The following LUZP2 variants were observed in gnomAD, a reference collection of about 807,000 sequenced individuals.
LUZP2 encodes leucine zipper protein 2.
In LUZP2, 52 loss-of-function variants were observed where a neutral mutation model predicts 51.6. That is an observed-to-expected ratio of 1.01 (90% CI 0.81 to 1.27). The LOEUF (loss-of-function observed/expected upper bound fraction) is 1.27. Ranked by LOEUF, LUZP2 falls within the 50% of genes most tolerant of loss-of-function variation. The pLI, the probability that LUZP2 is intolerant of heterozygous loss-of-function variation, is 0.00. For synonymous variants in LUZP2, 154 were observed against 137.3 expected, an observed-to-expected ratio of 1.12 and a Z score of -0.85; for missense variants, 436 against 395.4, an observed-to-expected ratio of 1.10 and a Z score of -0.87.
intron 1 of LUZP2, among the ~76,000 whole-genome samples, chr11:24,542,899 C>G (rs1414140342): frequency 7.9e-6 from 1 of 126,474 alleles, no homozygotes; most frequent in African/African-American, 3.0e-5. Flanking sequence ...AAATAATGAA[C>G]AAAAAGAACA....
chr11:24,894,802 T>C (rs1442575694), intron 5 of LUZP2, among the ~76,000 whole-genome samples: 1 of 152,224 alleles, frequency 6.6e-6, no homozygotes, highest in African/African-American at 2.4e-5. Context: ...CTAGACTTTA[T>C]GTATGATAGG....
intron 1 of LUZP2, among the ~76,000 whole-genome samples, chr11:24,586,108 C>G (rs748338214): frequency 2.0e-5 from 3 of 151,950 alleles, no homozygotes; most frequent in African/African-American, 4.8e-5. Flanking sequence ...GAGGCCAAAC[C>G]ACAGAGAATT....
chr11:24,659,077 A>T (rs1373176470), intron 1 of LUZP2, among the ~76,000 whole-genome samples: 3 of 152,228 alleles, frequency 2.0e-5, no homozygotes, highest in Non-Finnish European at 4.4e-5. Flanking sequence ...CTGGGTGTAT[A>T]CCCAAAGGAT....
intron 10 of LUZP2, among the ~76,000 whole-genome samples, chr11:25,053,934 T>A (rs1288365734): frequency 1.3e-5 from 2 of 152,168 alleles, no homozygotes; most frequent in African/African-American, 4.8e-5. Flanking sequence ...CATTAAAACC[T>A]CATGGTTCTC....
chr11:24,986,775 T>G (rs1014599118), intron 9 of LUZP2, among the ~76,000 whole-genome samples: 59 of 151,820 alleles, frequency 3.9e-4, no homozygotes, highest in African/African-American at 1.4e-3. Flanking sequence ...TCATTTTTTA[T>G]AAAATATATG....
At chr11:24,639,803 C>G (rs1242958499) in intron 1 of LUZP2, among the ~76,000 whole-genome samples, 1 of 151,706 alleles carries the variant, frequency 6.6e-6, no homozygotes, top group Non-Finnish European at 1.5e-5. Flanking sequence ...CTTTCCTCTA[C>G]TGTAATATGT....
At chr11:24,592,555 A>G (rs1420368975) in intron 1 of LUZP2, among the ~76,000 whole-genome samples, 2 of 152,250 alleles carry the variant, frequency 1.3e-5, no homozygotes, top group East Asian at 3.9e-4. Flanking sequence ...ATGACCTAAT[A>G]TATAACTGGA....
intron 7 of LUZP2, among the ~76,000 whole-genome samples, chr11:24,949,288 TTATCTA>T (rs1450471719): frequency 7.1e-6 from 1 of 141,188 alleles, no homozygotes; most frequent in East Asian, 2.0e-4. Context: ...ATTATCTAGA[TTATCTA>T]TCTATCTATC....
intron 9 of LUZP2, among the ~76,000 whole-genome samples, chr11:25,026,873 A>T (rs993354331): frequency 7.3e-6 from 1 of 137,210 alleles, no homozygotes; most frequent in Admixed American, 7.9e-5. Flanking sequence ...TTTAATTATT[A>T]TTTTTTTTCT....
At chr11:24,756,085 A>G (rs1389045975) in intron 4 of LUZP2, among the ~76,000 whole-genome samples, 1 of 152,098 alleles carries the variant, frequency 6.6e-6, no homozygotes, top group Non-Finnish European at 1.5e-5. Flanking sequence ...GTTAACCCCA[A>G]GCATTTCTTT....
intron 1 of LUZP2, among the ~76,000 whole-genome samples, chr11:24,638,468 T>C (rs1160579000): frequency 7.9e-5 from 12 of 151,578 alleles, no homozygotes; most frequent in Admixed American, 7.9e-4. Flanking sequence ...AAAAACTATA[T>C]AGGGAAAAAA....
At chr11:24,725,112 T>G (rs565086269) in intron 1 of LUZP2, among the ~76,000 whole-genome samples, 53 of 152,326 alleles carry the variant, frequency 3.5e-4, no homozygotes, top group African/African-American at 1.1e-3. Context: ...ATGCTTATTC[T>G]AAAATTCATT....
chr11:24,974,885 A>G (rs942582047), intron 7 of LUZP2, among the ~76,000 whole-genome samples: 2 of 152,058 alleles, frequency 1.3e-5, no homozygotes, highest in African/African-American at 4.8e-5. Context: ...GTTGTGCATT[A>G]TTTATTATGG....
chr11:24,767,752 A>T (rs1860246533), intron 5 of LUZP2, among the ~76,000 whole-genome samples: 1 of 152,010 alleles, frequency 6.6e-6, no homozygotes, highest in Admixed American at 6.6e-5. Context: ...TTCAATGTTT[A>T]TTTTGCATTT....
At chr11:24,905,905 A>T (rs141766761) in intron 5 of LUZP2, 86 bp from the exon 6 acceptor site, 3 of 948,946 alleles carry the variant, frequency 3.2e-6, no homozygotes, top group African/African-American at 1.6e-5. Context: ...TTTTGAACAG[A>T]ACATAAAGCA....
At chr11:24,620,990 T>C (rs1854476109) in intron 1 of LUZP2, among the ~76,000 whole-genome samples, 2 of 152,124 alleles carry the variant, frequency 1.3e-5, no homozygotes, top group African/African-American at 4.8e-5. Flanking sequence ...TCCCTGGAGC[T>C]CTTCCCCTTA....
intron 7 of LUZP2, among the ~76,000 whole-genome samples, chr11:24,972,350 C>G (rs976197454): frequency 6.6e-6 from 1 of 151,878 alleles, no homozygotes; most frequent in African/African-American, 2.4e-5. Flanking sequence ...TGGTACTACT[C>G]TAAGTATTTT....
chr11:24,643,995 C>T, intron 1 of LUZP2, among the ~76,000 whole-genome samples: 1 of 152,298 alleles, frequency 6.6e-6, no homozygotes, highest in Middle Eastern at 3.4e-3. Context: ...ATTATATTCT[C>T]TCTTTCACAT....
chr11:24,707,859 T>G (rs2133923952), intron 1 of LUZP2, among the ~76,000 whole-genome samples: 1 of 152,262 alleles, frequency 6.6e-6, no homozygotes, highest in East Asian at 1.9e-4. Context: ...GGGTGCACCC[T>G]TACAGATGGA....
Sources: allele counts gnomAD v4.1 joint callset (sites outside exome capture counted in the v4.1 genomes callset), GRCh38; gene constraint gnomAD v4.1.1; transcripts MANE v1.5; gene names NCBI Gene and HGNC (gene_info 2026-07-23, HGNC 2026-07-21).